The following EHHADH variants were observed in gnomAD, a reference collection of about 807,000 sequenced individuals.
The protein encoded by EHHADH is enoyl-CoA hydratase and 3-hydroxyacyl CoA dehydrogenase.
A neutral mutation model predicts 64.4 loss-of-function variants in EHHADH; 48 were observed. The ratio of observed to expected loss-of-function variants is 0.75; its 90% CI spans 0.59 to 0.95. The LOEUF (loss-of-function observed/expected upper bound fraction) is 0.95, where lower values mean the gene tolerates loss of function less well. Ranked by LOEUF, EHHADH falls within the 40% of genes least tolerant of loss-of-function variation. The pLI is 0.00. For synonymous variants in EHHADH, 308 were observed against 326.7 expected (o/e 0.94, Z 0.62); for missense variants, 854 against 876.6 (o/e 0.97, Z 0.33).
intron 6 of EHHADH, among the ~76,000 whole-genome samples, chr3:185,203,164 A>G (rs1210722303): frequency 3.3e-5 from 5 of 152,182 alleles, no homozygotes; most frequent in African/African-American, 1.2e-4. Context: ...CTGTTTTTTA[A>G]AATAAATTAT....
intron 6 of EHHADH, among the ~76,000 whole-genome samples, chr3:185,196,147 G>A (rs955681309): frequency 5.3e-5 from 8 of 152,058 alleles, no homozygotes; most frequent in Non-Finnish European, 7.4e-5. Flanking sequence ...TCTGAGATAC[G>A]ATGAGACATT....
intron 5 of EHHADH, among the ~76,000 whole-genome samples, chr3:185,211,443 G>C (rs1718536806): frequency 6.6e-6 from 1 of 152,196 alleles, no homozygotes; most frequent in African/African-American, 2.4e-5. Context: ...AAAAGGAGGT[G>C]ATTATTTTCC....
chr3:185,201,607 G>A (rs1310207873), intron 6 of EHHADH, among the ~76,000 whole-genome samples: 1 of 152,172 alleles, frequency 6.6e-6, no homozygotes, highest in Non-Finnish European at 1.5e-5. Context: ...TCACGAAGAT[G>A]AAACGCATGG....
At chr3:185,242,123 T>G (rs1018371442) in intron 2 of EHHADH, among the ~76,000 whole-genome samples, 2 of 152,098 alleles carry the variant, frequency 1.3e-5, no homozygotes, top group African/African-American at 4.8e-5. Context: ...AAGCAAAAGA[T>G]CTCTACAAGG....
intron 1 of EHHADH, among the ~76,000 whole-genome samples, chr3:185,251,804 C>G (rs1021095720): frequency 2.6e-5 from 4 of 152,022 alleles, no homozygotes; most frequent in Non-Finnish European, 5.9e-5. Flanking sequence ...CCATTTCTAC[C>G]TAAAAAAGTT....
intron 4 of EHHADH, among the ~76,000 whole-genome samples, chr3:185,219,961 G>C (rs1718791449): frequency 6.6e-6 from 1 of 152,110 alleles, no homozygotes; most frequent in Non-Finnish European, 1.5e-5. Context: ...ATCTCCTTCT[G>C]GAGTAAGGAG....
chr3:185,213,119 CAAAAAAAAAAAA>C (rs550233979), intron 5 of EHHADH, among the ~76,000 whole-genome samples: 6 of 43,056 alleles, frequency 1.4e-4, no homozygotes, highest in East Asian at 1.3e-3. Context: ...GACTCTGTCT[CAAAAAAAAAAAA>C]AAAAAAAAAA....
intron 5 of EHHADH, among the ~76,000 whole-genome samples, chr3:185,208,828 T>C (rs2108632257): frequency 6.6e-6 from 1 of 152,322 alleles, no homozygotes; most frequent in Non-Finnish European, 1.5e-5. Flanking sequence ...TGCAATAGAA[T>C]ATTATTCAGC....
At chr3:185,201,825 G>A (rs368398338) in intron 6 of EHHADH, among the ~76,000 whole-genome samples, 5 of 152,112 alleles carry the variant, frequency 3.3e-5, no homozygotes, top group South Asian at 2.1e-4. Context: ...CAACAAAATC[G>A]GGAAATCCTC....
intron 5 of EHHADH, among the ~76,000 whole-genome samples, chr3:185,214,970 C>T (rs1718643144): frequency 6.6e-6 from 1 of 151,996 alleles, no homozygotes. Flanking sequence ...AATTTTAAGC[C>T]TCTATAAGTG....
intron 1 of EHHADH, among the ~76,000 whole-genome samples, chr3:185,251,930 C>G (rs1434259013): frequency 6.6e-6 from 1 of 152,086 alleles, no homozygotes; most frequent in African/African-American, 2.4e-5. Context: ...TTGAACAGGT[C>G]TTCTGACTAA....
At chr3:185,224,138 A>C (rs963565093) in intron 4 of EHHADH, among the ~76,000 whole-genome samples, 1 of 151,994 alleles carries the variant, frequency 6.6e-6, no homozygotes, top group Non-Finnish European at 1.5e-5. Context: ...TTCCTCATTC[A>C]CATCAGTAGG....
At chr3:185,212,437 A>G (rs775527638) in intron 5 of EHHADH, among the ~76,000 whole-genome samples, 10 of 152,028 alleles carry the variant, frequency 6.6e-5, no homozygotes, top group Admixed American at 1.3e-4. Context: ...AACCTTCTAC[A>G]CTCCCTTCCC....
At chr3:185,245,440 A>T in intron 2 of EHHADH, 1 of 833,448 alleles carries the variant, frequency 1.2e-6, no homozygotes. Context: ...ACACGCTTTG[A>T]AAAATCAGTG....
chr3:185,245,151 A>C (rs1719561366), intron 2 of EHHADH, among the ~76,000 whole-genome samples: 2 of 152,060 alleles, frequency 1.3e-5, no homozygotes. Context: ...TAATATTTTC[A>C]TTATCTTTCT....
At chr3:185,201,292 G>A (rs1308654631) in intron 6 of EHHADH, among the ~76,000 whole-genome samples, 5 of 152,148 alleles carry the variant, frequency 3.3e-5, no homozygotes, top group South Asian at 2.1e-4. Context: ...ATGGCAGCAG[G>A]GTTTGGGCCA....
chr3:185,236,230 C>T lies in EHHADH; in HGVS notation c.179-768G>A, dbSNP rs565605978. Among the ~76,000 whole-genome samples the T allele has an allele frequency of 8.5e-5, 13 of 152,252 alleles. No homozygotes were observed. In the East Asian group the frequency reaches 1.7e-3, roughly 20 times the overall value. ...GCTCTGCCTTCTGTCAGATCAGTAG[C>T]GGCATTAGATTCTCACAGGAGCGTG... On this transcript the variant is annotated intron_variant, in intron 2 of 6. Transcript: ENST00000231887.
chr3:185,249,192 G>A (rs190161894), intron 1 of EHHADH, among the ~76,000 whole-genome samples: 1 of 151,790 alleles, frequency 6.6e-6, no homozygotes, highest in South Asian at 2.1e-4. Context: ...GCAGTGGCGC[G>A]ATCTGGGCTC....
intron 5 of EHHADH, among the ~76,000 whole-genome samples, chr3:185,210,139 A>T (rs1216952857): frequency 6.6e-6 from 1 of 152,170 alleles, no homozygotes; most frequent in African/African-American, 2.4e-5. Context: ...TATGCCATGT[A>T]ACAGGGCATA....
Sources: allele counts gnomAD v4.1 joint callset (sites outside exome capture counted in the v4.1 genomes callset), GRCh38; gene constraint gnomAD v4.1.1; transcripts MANE v1.5; gene names NCBI Gene and HGNC (gene_info 2026-07-23, HGNC 2026-07-21).